Variants in NHSL1 observed in about 807,000 individuals in gnomAD.
NHSL1 encodes NHS-like protein 1.
A neutral mutation model predicts 95.0 loss-of-function variants in NHSL1; 48 were observed. The ratio of observed to expected loss-of-function variants is 0.51; its 90% CI spans 0.40 to 0.64. The LOEUF is 0.64. Among genes scored for constraint, NHSL1 ranks in the 30% least tolerant of loss-of-function variants. The probability of loss-of-function intolerance (pLI) is 0.00; values close to 1 mark genes in which losing one functional copy is unlikely to be tolerated. For missense variants in NHSL1, 1,971 were observed against 2,077.7 expected, an observed-to-expected ratio of 0.95 and a Z score of 1.00; for synonymous variants, 783 against 833.9, an observed-to-expected ratio of 0.94 and a Z score of 1.05.
At chr6:138,655,812 C>T (rs1785149139) in intron 1 of NHSL1, among the ~76,000 whole-genome samples, 1 of 152,134 alleles carries the variant, frequency 6.6e-6, no homozygotes, top group Non-Finnish European at 1.5e-5. Context: ...ACTGTTGTGC[C>T]AATCCAGTAC....
intron 3 of NHSL1, among the ~76,000 whole-genome samples, chr6:138,470,133 T>G (rs1345239814): frequency 6.6e-6 from 1 of 152,214 alleles, no homozygotes; most frequent in Non-Finnish European, 1.5e-5. Context: ...TGCCTTGAGA[T>G]GACATTCAGA....
upstream of NHSL1, chr6:138,545,751 G>T: frequency 1.6e-6 from 2 of 1,225,546 alleles, no homozygotes; most frequent in African/African-American, 3.1e-5. Context: ...AGAGCGGGGC[G>T]GCCAGCCAGC....
chr6:138,690,613 C>T (rs1375403198), intron 1 of NHSL1, among the ~76,000 whole-genome samples: 1 of 151,942 alleles, frequency 6.6e-6, no homozygotes, highest in Admixed American at 6.6e-5. Context: ...TGGTGGCGGG[C>T]GCCTGTAATC....
rs182867665 is a variant in NHSL1 at position 138,447,706 on chromosome 6, G to C, written c.340-513C>G. On this transcript the variant is annotated intron_variant, in intron 3 of 7. Transcript: ENST00000343505. ...GAGGATTGCTTGAACCCGGGAGGCA[G>C]AGGTTGCAGTGAGCCAAGATTGTGC... Among the ~76,000 whole-genome samples, 298 of 152,292 alleles carry C rather than the reference G, an allele frequency of 2.0e-3. 1 individual carries two copies. The highest frequency in any genetic ancestry group is 3.7e-3 in the South Asian group (18 of 4,822).
chr6:138,651,610 T>C (rs1393122314), intron 1 of NHSL1, among the ~76,000 whole-genome samples: 1 of 152,166 alleles, frequency 6.6e-6, no homozygotes, highest in Admixed American at 6.6e-5. Flanking sequence ...AGGAAGGGAA[T>C]AAGGGTAATA....
At chr6:138,678,049 C>G (rs188708108) in intron 1 of NHSL1, among the ~76,000 whole-genome samples, 102 of 152,264 alleles carry the variant, frequency 6.7e-4, no homozygotes, top group African/African-American at 2.4e-3. Context: ...GAGTAACAAC[C>G]AGCTAGTTCT....
At position 138,423,839 on chromosome 6, in the gene NHSL1, A is replaced by AAAAAAAAAAAAC. The variant is rs1775064959; in HGVS notation, c.*241_*242insGTTTTTTTTTTT. On this transcript the variant is annotated 3_prime_UTR_variant, in exon 8 of 8. Coordinates refer to ENST00000343505, the MANE Select transcript of NHSL1 (RefSeq NM_001144060.2). ...GCAAAAAAAAAAAAAAAAAAAAAAA[A>AAAAAAAAAAAAC]TCTTCCCCGGGAAGCACTTTCAGAA... 3.2e-6 allele frequency: 1 copy of AAAAAAAAAAAAC among 309,852 alleles called. No homozygotes were observed. Among genetic ancestry groups the AAAAAAAAAAAAC allele is most frequent in the African/African-American group, 2.3e-5 (1 of 42,702 alleles). The allele number at this position is 309,852 out of a possible 1,614,324, so 19.2% of individuals were successfully genotyped here.
At chr6:138,641,622 CAAAA>C (rs771307557) in intron 1 of NHSL1, among the ~76,000 whole-genome samples, 2 of 76,430 alleles carry the variant, frequency 2.6e-5, no homozygotes, top group Middle Eastern at 6.5e-3. Flanking sequence ...GACTCCGTCT[CAAAA>C]AAAAAAAAAA....
intron 1 of NHSL1, among the ~76,000 whole-genome samples, chr6:138,646,024 A>G (rs1339469085): frequency 6.6e-6 from 1 of 152,222 alleles, no homozygotes; most frequent in African/African-American, 2.4e-5. Flanking sequence ...TGGGAGAAAA[A>G]CTTAAATACA....
intron 1 of NHSL1, among the ~76,000 whole-genome samples, chr6:138,620,730 AT>A (rs1583452927): frequency 1.3e-5 from 2 of 152,328 alleles, no homozygotes; most frequent in Non-Finnish European, 2.9e-5. Flanking sequence ...CTTAAAAAAA[AT>A]ATAATAATAC....
chr6:138,468,211 C>T (rs1052077299), intron 3 of NHSL1, among the ~76,000 whole-genome samples: 2 of 152,206 alleles, frequency 1.3e-5, no homozygotes, highest in Admixed American at 1.3e-4. Context: ...GGTAAGTGCC[C>T]TATTGAGGTG....
At chr6:138,570,467 C>G (rs964256388) in intron 1 of NHSL1, among the ~76,000 whole-genome samples, 1 of 152,228 alleles carries the variant, frequency 6.6e-6, no homozygotes, top group Admixed American at 6.5e-5. Context: ...GGCAATCACA[C>G]AGCATTTGAA....
intron 3 of NHSL1, among the ~76,000 whole-genome samples, chr6:138,458,709 C>T (rs1777790172): frequency 6.6e-6 from 1 of 151,836 alleles, no homozygotes. Context: ...GCCTGTAGTC[C>T]CAGCTACTCG....
chr6:138,680,087 A>G (rs1785494221), intron 1 of NHSL1, among the ~76,000 whole-genome samples: 1 of 152,212 alleles, frequency 6.6e-6, no homozygotes, highest in Non-Finnish European at 1.5e-5. Flanking sequence ...CATACTTTGT[A>G]AGACTGAAAA....
chr6:138,480,126 G>A (rs1025018399), intron 2 of NHSL1, among the ~76,000 whole-genome samples: 7 of 152,270 alleles, frequency 4.6e-5, no homozygotes, highest in African/African-American at 1.7e-4. Flanking sequence ...AAGAACTGAC[G>A]GAAGCAGCAG....
rs964864995 is a variant in NHSL1 at position 138,626,668 on chromosome 6, C to A, written c.96+65808G>T. Among the ~76,000 whole-genome samples the A allele has an allele frequency of 3.1e-5, 4 of 129,834 alleles. 2 individuals are homozygous for A. The South Asian group carries it at 1.1e-3, about 35-fold the overall frequency. The allele number at this position is 129,834 out of a possible 152,430, so 85.2% of individuals were successfully genotyped here. ...CAGCACTTTGGGAGGCCGAGGCGGG[C>A]GGATCACGAGGTCAGGAGATCGAGA... On this transcript the variant is annotated intron_variant, in intron 1 of 3. Transcript: ENST00000491526.
intron 1 of NHSL1, among the ~76,000 whole-genome samples, chr6:138,612,042 G>A (rs1405313446): frequency 4.7e-5 from 7 of 148,510 alleles, no homozygotes; most frequent in African/African-American, 1.8e-4. Flanking sequence ...CCCAAGAGGC[G>A]GAGGTTGCAG....
At chr6:138,490,471 A>ATC (rs1483537743) in intron 2 of NHSL1, among the ~76,000 whole-genome samples, 11 of 152,110 alleles carry the variant, frequency 7.2e-5, no homozygotes, top group African/African-American at 7.2e-5. Context: ...GAGGCCCACA[A>ATC]TCTCTCCCAA....
chr6:138,536,602 C>CTTTTTTTTTT (rs563509738), intron 1 of NHSL1, among the ~76,000 whole-genome samples: 16 of 80,036 alleles, frequency 2.0e-4, no homozygotes, highest in Non-Finnish European at 3.2e-4. Flanking sequence ...CATATGTCAT[C>CTTTTTTTTTT]TTTTTTTTTT....
Sources: allele counts gnomAD v4.1 joint callset (sites outside exome capture counted in the v4.1 genomes callset), GRCh38; gene constraint gnomAD v4.1.1; transcripts MANE v1.5; gene names NCBI Gene and HGNC (gene_info 2026-07-23, HGNC 2026-07-21).